Variants in MCF2L observed in about 807,000 individuals in gnomAD.
MCF2L encodes MCF.2 cell line derived transforming sequence like, also known as guanine nucleotide exchange factor DBS.
Under a neutral mutation model 153.4 loss-of-function variants are expected in MCF2L, and 97 were observed. The ratio of observed to expected loss-of-function variants is 0.63; its 90% CI spans 0.54 to 0.75. The LOEUF is 0.75. Ranked by LOEUF, MCF2L falls within the 30% of genes least tolerant of loss-of-function variation. The probability of loss-of-function intolerance (pLI) is 0.00; values close to 1 mark genes in which losing one functional copy is unlikely to be tolerated. For missense variants in MCF2L, 1,347 were observed against 1,495.2 expected (o/e 0.90, Z 1.64); for synonymous variants, 659 against 632.2 (o/e 1.04, Z -0.64).
chr13:113,037,900 G>A (rs1292872941), intron 3 of MCF2L, among the ~76,000 whole-genome samples: 6 of 152,222 alleles, frequency 3.9e-5, no homozygotes, highest in Admixed American at 2.6e-4. Context: ...ATTATTTGTA[G>A]ACAATGTGGT....
chr13:112,940,470 G>A (rs1177902203), intron 2 of MCF2L, among the ~76,000 whole-genome samples: 3 of 152,228 alleles, frequency 2.0e-5, no homozygotes, highest in Admixed American at 2.0e-4. Flanking sequence ...GGCGGGGAAG[G>A]CCCTGAGGCG....
intron 2 of MCF2L, among the ~76,000 whole-genome samples, chr13:112,933,221 T>G (rs1164186447): frequency 6.6e-6 from 1 of 152,226 alleles, no homozygotes; most frequent in Non-Finnish European, 1.5e-5. Context: ...AATGGGACTT[T>G]CAGAGACGCC....
At chr13:112,972,844 A>AGCAGATAG (rs1245627583) in intron 1 of MCF2L, among the ~76,000 whole-genome samples, 1 of 131,338 alleles carries the variant, frequency 7.6e-6, no homozygotes, top group Non-Finnish European at 1.7e-5. Flanking sequence ...TGGATGGATG[A>AGCAGATAG]ATGGATGGAT....
chr13:113,090,027 T>C, intron 26 of MCF2L: 3 of 1,598,508 alleles, frequency 1.9e-6, no homozygotes, highest in South Asian at 2.2e-5. Flanking sequence ...CCGCATCGGG[T>C]TGCGATGCCC....
intron 1 of MCF2L, among the ~76,000 whole-genome samples, chr13:112,973,414 A>G (rs947563886): frequency 4.6e-5 from 7 of 152,174 alleles, no homozygotes; most frequent in Non-Finnish European, 8.8e-5. Context: ...ATTAGCTTTC[A>G]TGGGATGTTG....
intron 26 of MCF2L, chr13:113,090,330 T>C (rs2035084101): frequency 1.7e-6 from 2 of 1,195,722 alleles, no homozygotes; most frequent in Non-Finnish European, 2.1e-6. Flanking sequence ...ACCAGAGTTA[T>C]TTAGAGGTGG....
intron 2 of MCF2L, among the ~76,000 whole-genome samples, chr13:112,920,642 C>T (rs2081342642): frequency 6.7e-6 from 1 of 148,662 alleles, no homozygotes. Context: ...CAACAGTAAT[C>T]CAGTCAGGTT....
intron 4 of MCF2L, among the ~76,000 whole-genome samples, chr13:113,058,718 G>C (rs1350141493): frequency 1.4e-5 from 2 of 139,718 alleles, no homozygotes; most frequent in Non-Finnish European, 3.1e-5. Flanking sequence ...TTTGGGCACT[G>C]AGTGGGTGCT....
chr13:112,981,067 C>T (rs1468921268), intron 1 of MCF2L, among the ~76,000 whole-genome samples: 1 of 151,756 alleles, frequency 6.6e-6, no homozygotes, highest in Admixed American at 6.6e-5. Flanking sequence ...TGACATGTCC[C>T]CTTCCTGTGC....
chr13:113,094,486 G>A (rs746967774), intron 26 of MCF2L, 28 bp from the exon 27 acceptor site: 10 of 1,595,352 alleles, frequency 6.3e-6, no homozygotes, highest in South Asian at 5.7e-5. Flanking sequence ...TCACCGGGGG[G>A]TCCCTCACGG....
chr13:113,073,528 C>T (rs1176364149), intron 9 of MCF2L, among the ~76,000 whole-genome samples: 3 of 152,202 alleles, frequency 2.0e-5, no homozygotes, highest in Admixed American at 6.5e-5. Context: ...ACCCCCTTGG[C>T]ACTGGGATGT....
chr13:112,899,197 G>A (rs368669447), intron 1 of MCF2L, among the ~76,000 whole-genome samples: 2 of 152,232 alleles, frequency 1.3e-5, no homozygotes, highest in African/African-American at 2.4e-5. Context: ...GCCTGTGACC[G>A]TGTCTGCATC....
At position 113,075,181 on chromosome 13, in the gene MCF2L, C is replaced by T. The variant is rs142834643; in HGVS notation, c.1300C>T (p.Leu434=). 3 of 1,595,028 alleles carry T rather than the reference C, an allele frequency of 1.9e-6. No individual in the cohort carries two copies. Among genetic ancestry groups the T allele is most frequent in the Middle Eastern group, 1.7e-4 (1 of 5,946 alleles). ...LSKSLELHRR[L]ETSMKWCDEG... is the part of the protein sequence containing the mutation. ...CAAGTCCCTGGAGCTGCACCGCCGC[C>T]TGGAGACGGTAGGCCGAGCCGGACC... Residue 434 remains leucine, a synonymous_variant, in exon 11 of 30, where the codon CTG becomes TTG. Transcript: ENST00000535094.
intron 16 of MCF2L, 50 bp from the exon 17 acceptor site, chr13:113,082,377 C>A (rs763650774): frequency 7.1e-6 from 8 of 1,120,394 alleles, no homozygotes; most frequent in Admixed American, 1.7e-5. Flanking sequence ...ACCTGCCCCC[C>A]CACAGCATCA....
At chr13:113,080,809 T>G (rs1566861205) in intron 15 of MCF2L, among the ~76,000 whole-genome samples, 1 of 152,226 alleles carries the variant, frequency 6.6e-6, no homozygotes, top group Non-Finnish European at 1.5e-5. Flanking sequence ...GGCGGGCGTC[T>G]TCTTGGCAGA....
At chr13:112,926,832 G>A (rs1032156978) in intron 2 of MCF2L, among the ~76,000 whole-genome samples, 1 of 152,136 alleles carries the variant, frequency 6.6e-6, no homozygotes, top group Non-Finnish European at 1.5e-5. Flanking sequence ...GAAGATGTTG[G>A]TCAGGGATTA....
intron 27 of MCF2L, chr13:113,095,752 G>A: frequency 4.0e-6 from 4 of 997,130 alleles, no homozygotes; most frequent in Non-Finnish European, 4.8e-6. Context: ...GCAGCACCAG[G>A]AGGCTGTGAA....
chr13:113,038,264 G>T (rs1376944665), intron 3 of MCF2L, among the ~76,000 whole-genome samples: 2 of 152,082 alleles, frequency 1.3e-5, no homozygotes, highest in Non-Finnish European at 2.9e-5. Context: ...AGGAGATCGA[G>T]ATCATCCTGG....
intron 1 of MCF2L, among the ~76,000 whole-genome samples, chr13:112,990,296 C>T (rs1272209096): frequency 2.6e-5 from 4 of 152,216 alleles, no homozygotes; most frequent in Non-Finnish European, 5.9e-5. Flanking sequence ...CCAGCCCTGT[C>T]GTGGGATATT....
Sources: gnomAD v4.1 joint callset for allele counts (sites outside exome capture counted in the v4.1 genomes callset) on GRCh38, gnomAD v4.1.1 for gene constraint, MANE v1.5 for transcripts, NCBI Gene and HGNC (gene_info 2026-07-23, HGNC 2026-07-21) for gene names.